MGAT4C: variants seen among roughly 807,000 people sequenced by gnomAD.
MGAT4C encodes the protein alpha-1,3-mannosyl-glycoprotein 4-beta-N-acetylglucosaminyltransferase C.
MGAT4C carries 19 observed loss-of-function variants against 40.1 expected under a neutral mutation model. The observed-to-expected ratio is 0.47, with a 90% CI of 0.33 to 0.70. The LOEUF is 0.70. MGAT4C is among the 30% of genes least tolerant of loss of function. The pLI is 0.02. For synonymous variants in MGAT4C, 181 were observed against 187.1 expected, an observed-to-expected ratio of 0.97 and a Z score of 0.27; for missense variants, 491 against 563.2, an observed-to-expected ratio of 0.87 and a Z score of 1.30.
Position 85,979,615 on chromosome 12 carries a change from T to A in MGAT4C, c.1111A>T (p.Lys371Ter), listed in dbSNP as rs1186427597. The A allele has an allele frequency of 6.2e-7, 1 of 1,611,124 alleles. No homozygotes were observed. Among genetic ancestry groups the A allele is most frequent in the African/African-American group, 1.3e-5 (1 of 74,842 alleles). ...AAAACATCTCCTGTTGAAGGTGGTT[T>A]CCCCCAAAAGTACTCATCAACACTA... is the stretch of plus-strand genomic sequence containing the variant. The part of the protein sequence containing the change: ...YSSVDEYFWG[K>*]PPSTGDVFVI... The change falls in exon 5 of 5, where the codon AAA (lysine) becomes TAA (stop). Residue 371 changes from lysine to a stop codon, truncating the protein, a stop_gained. Transcript: ENST00000611864. LOFTEE classifies it high-confidence loss of function.
At chr12:86,020,819 A>T (rs1889636901) in intron 2 of MGAT4C, among the ~76,000 whole-genome samples, 1 of 152,150 alleles carries the variant, frequency 6.6e-6, no homozygotes, top group Admixed American at 6.5e-5. Context: ...ATGGAAGAAA[A>T]TTTTTGCAAT....
At chr12:86,337,502 G>C (rs1438744725) in intron 3 of MGAT4C, among the ~76,000 whole-genome samples, 7 of 150,886 alleles carry the variant, frequency 4.6e-5, no homozygotes. Flanking sequence ...AGAATCACTT[G>C]AGCCCAGGAG....
intron 1 of MGAT4C, among the ~76,000 whole-genome samples, chr12:86,179,602 A>G (rs1887886185): frequency 6.6e-6 from 1 of 152,170 alleles, no homozygotes; most frequent in Non-Finnish European, 1.5e-5. Flanking sequence ...CTTGTTGGGA[A>G]CTGGAGCAGA....
intron 1 of MGAT4C, among the ~76,000 whole-genome samples, chr12:86,108,040 C>T (rs186923539): frequency 7.4e-4 from 112 of 152,084 alleles, no homozygotes; most frequent in African/African-American, 2.5e-3. Flanking sequence ...AAGCTTAACC[C>T]TCTAGAGTAG....
At chr12:86,140,006 T>C (rs2135735836) in intron 1 of MGAT4C, among the ~76,000 whole-genome samples, 1 of 152,338 alleles carries the variant, frequency 6.6e-6, no homozygotes, top group South Asian at 2.1e-4. Context: ...TTAACATTGT[T>C]GAAGGATTCT....
intron 3 of MGAT4C, among the ~76,000 whole-genome samples, chr12:86,394,563 A>ATATATATTTATATATGTG (rs1359332853): frequency 1.4e-5 from 2 of 143,656 alleles, no homozygotes; most frequent in Non-Finnish European, 3.0e-5. Flanking sequence ...TTATATATTT[A>ATATATATTTATATATGTG]TATATATTTA....
At chr12:86,633,016 G>C (rs929939618) in intron 2 of MGAT4C, among the ~76,000 whole-genome samples, 2 of 151,850 alleles carry the variant, frequency 1.3e-5, no homozygotes, top group Non-Finnish European at 2.9e-5. Context: ...CATAGCATAA[G>C]TGTGTTTTCT....
intron 2 of MGAT4C, among the ~76,000 whole-genome samples, chr12:86,453,586 T>C (rs905322013): frequency 2.0e-5 from 3 of 152,074 alleles, no homozygotes; most frequent in Admixed American, 1.3e-4. Context: ...AAAGATGACA[T>C]TGAGAACTTG....
At chr12:86,240,038 AT>A (rs1460258136) in intron 1 of MGAT4C, among the ~76,000 whole-genome samples, 686 of 33,336 alleles carry the variant, frequency 0.021, 2 homozygotes, top group South Asian at 0.051. Flanking sequence ...AAAAAAAAAA[AT>A]AAAAAATAAA....
chr12:86,144,240 C>T (rs1473982354), intron 1 of MGAT4C, among the ~76,000 whole-genome samples: 1 of 152,166 alleles, frequency 6.6e-6, no homozygotes, highest in Admixed American at 6.5e-5. Context: ...TTTATTTCAG[C>T]TTTAATATGC....
At chr12:86,422,448 A>T (rs2136258018) in intron 3 of MGAT4C, among the ~76,000 whole-genome samples, 1 of 152,320 alleles carries the variant, frequency 6.6e-6, no homozygotes, top group African/African-American at 2.4e-5. Context: ...GCATTTGGAA[A>T]AATATCATTT....
Position 86,759,311 on chromosome 12 carries a change from C to T in MGAT4C, c.-261-32070G>A, listed in dbSNP as rs115982124. ...TGTGGAGGAACATCCAGGTTGTTTC[C>T]TATTTGGCTGTTGTGAATAGTGCTG... On this transcript the variant is annotated intron_variant, in intron 1 of 7. Transcript: ENST00000548651. 2.9e-3 allele frequency among the ~76,000 whole-genome samples: 441 copies of T among 152,078 alleles called. 2 individuals are homozygous for T. The highest frequency in any genetic ancestry group is 0.01 in the African/African-American group (435 of 41,518).
At chr12:86,080,130 GT>G (rs1231415163) in intron 1 of MGAT4C, among the ~76,000 whole-genome samples, 1 of 152,006 alleles carries the variant, frequency 6.6e-6, no homozygotes, top group African/African-American at 2.4e-5. Context: ...CATGCCATCT[GT>G]TTATCTCATT....
chr12:86,260,203 C>A (rs926316605), upstream of MGAT4C, among the ~76,000 whole-genome samples: 4 of 152,232 alleles, frequency 2.6e-5, no homozygotes, highest in Admixed American at 2.6e-4. Context: ...ATTAAAAACA[C>A]AGAGACAAAA....
chr12:86,240,992 C>G (rs1951760983), intron 1 of MGAT4C, among the ~76,000 whole-genome samples: 1 of 152,036 alleles, frequency 6.6e-6, no homozygotes, highest in Non-Finnish European at 1.5e-5. Context: ...AGAATACAAT[C>G]TCCCCACTCT....
intron 1 of MGAT4C, among the ~76,000 whole-genome samples, chr12:86,094,640 T>C (rs1252052794): frequency 6.6e-6 from 1 of 152,184 alleles, no homozygotes; most frequent in African/African-American, 2.4e-5. Flanking sequence ...TCAGATGAAT[T>C]TTACAAAGAT....
At chr12:86,711,645 GA>G (rs572200374) in intron 2 of MGAT4C, among the ~76,000 whole-genome samples, 42 of 151,752 alleles carry the variant, frequency 2.8e-4, no homozygotes, top group East Asian at 1.4e-3. Flanking sequence ...ATAAATGGAA[GA>G]AAAAAATATG....
intron 2 of MGAT4C, among the ~76,000 whole-genome samples, chr12:86,623,218 T>C (rs1422210725): frequency 6.6e-6 from 1 of 152,062 alleles, no homozygotes; most frequent in Non-Finnish European, 1.5e-5. Context: ...AACATGAATA[T>C]AAACATCATA....
intron 2 of MGAT4C, among the ~76,000 whole-genome samples, chr12:86,642,375 G>A (rs1963417101): frequency 6.6e-6 from 1 of 151,836 alleles, no homozygotes; most frequent in Admixed American, 6.6e-5. Flanking sequence ...CTCTACAGGA[G>A]AGGGTTAGAA....
Sources: gnomAD v4.1 joint callset for allele counts (sites outside exome capture counted in the v4.1 genomes callset) on GRCh38, gnomAD v4.1.1 for gene constraint, MANE v1.5 for transcripts, NCBI Gene and HGNC (gene_info 2026-07-23, HGNC 2026-07-21) for gene names.